SART3: variants seen among roughly 807,000 people sequenced by gnomAD.
SART3 encodes HIV-1 Tat-interacting protein of 110kDa.
Under a neutral mutation model 122.3 loss-of-function variants are expected in SART3, and 44 were observed. The ratio of observed to expected loss-of-function variants is 0.36; its 90% CI spans 0.28 to 0.46. The LOEUF (loss-of-function observed/expected upper bound fraction) is 0.46. Among genes scored for constraint, SART3 ranks in the 20% least tolerant of loss-of-function variants. The probability of loss-of-function intolerance (pLI) is 1.00; values close to 1 mark genes in which losing one functional copy is unlikely to be tolerated. For missense variants in SART3, 1,101 were observed against 1,229.0 expected (o/e 0.90, Z 1.56); for synonymous variants, 442 against 454.0 (o/e 0.97, Z 0.34).
chr12:108,548,029 G>A (rs1223646776), intron 2 of SART3, 38 bp from the exon 3 acceptor site: 1 of 1,552,892 alleles, frequency 6.4e-7, no homozygotes, highest in East Asian at 2.2e-5. Context: ...AATACCAAAG[G>A]GTAGGCTAAG....
intron 14 of SART3, 114 bp downstream of exon 14, chr12:108,531,090 A>G (rs1250001736): frequency 2.6e-6 from 2 of 760,846 alleles, no homozygotes; most frequent in South Asian, 1.5e-5. Context: ...TTTATAATTA[A>G]TACTGAGTAA....
intron 1 of SART3, among the ~76,000 whole-genome samples, chr12:108,556,640 C>T (rs1186327448): frequency 6.6e-6 from 1 of 152,194 alleles, no homozygotes; most frequent in African/African-American, 2.4e-5. Context: ...GTTCTGTTTC[C>T]TCATCTGTAC....
intron 4 of SART3, chr12:108,544,685 A>G: frequency 1.4e-6 from 1 of 693,676 alleles, no homozygotes; most frequent in Non-Finnish European, 2.5e-6. Context: ...CCCACCTCAG[A>G]GTCCTGAGTA....
At chr12:108,532,800 T>G (rs1227767830) in intron 12 of SART3, among the ~76,000 whole-genome samples, 1 of 151,452 alleles carries the variant, frequency 6.6e-6, no homozygotes, top group East Asian at 1.9e-4. Context: ...GTCACCCAGG[T>G]GGGAGTGCAA....
At chr12:108,552,775 T>A (rs1003462071) in intron 1 of SART3, among the ~76,000 whole-genome samples, 6 of 152,184 alleles carry the variant, frequency 3.9e-5, no homozygotes, top group African/African-American at 1.4e-4. Context: ...CTAAACTGAC[T>A]TACAGGCTTA....
chr12:108,540,632 C>T (rs1358176063), intron 6 of SART3, among the ~76,000 whole-genome samples: 1 of 100,068 alleles, frequency 1.0e-5, no homozygotes, highest in Non-Finnish European at 2.0e-5. Flanking sequence ...CCGATGGAAG[C>T]ATTGAAGGCA....
rs1389080965 is a variant in SART3 at position 108,560,782 on chromosome 12, G to A, written c.312+61C>T. 5.4e-6 allele frequency: 8 copies of A among 1,478,918 alleles called. 1 individual carries two copies. In the East Asian group the frequency reaches 9.2e-5, roughly 17 times the overall value. 91.6% of individuals were successfully genotyped at this position (1,478,918 alleles called of 1,614,324 possible). ...GCCGAGGACTAGGGAGGCGGGCCAG[G>A]ACATGGGGACCCGAGGACCTGAAAG... is the stretch of plus-strand genomic sequence containing the variant. On this transcript the variant is annotated intron_variant, in intron 1 of 18. Transcript: ENST00000546815.
chr12:108,537,770 C>A, intron 8 of SART3, 175 bp from the exon 9 acceptor site: 1 of 678,312 alleles, frequency 1.5e-6, no homozygotes, highest in South Asian at 1.8e-5. Flanking sequence ...ACTCTACAGA[C>A]TGTGTTCTAG....
Position 108,523,415 on chromosome 12 carries a change from G to C in SART3, c.*42C>G. On this transcript the variant is annotated 3_prime_UTR_variant, in exon 19 of 19. Coordinates refer to ENST00000546815, the MANE Select transcript of SART3 (RefSeq NM_014706.4). ...TGCTGGGTGGTGGGAGGTCCGCCGG[G>C]CCAGAGTGAAGTAAGGCATTTCCTG... 6.2e-7 allele frequency: 1 copy of C among 1,606,574 alleles called. No homozygotes were observed. Among genetic ancestry groups the C allele is most frequent in the Non-Finnish European group, 8.5e-7 (1 of 1,174,950 alleles).
chr12:108,543,031 T>C lies in SART3; in HGVS notation c.903A>G (p.Ala301=), dbSNP rs1343667497. Residue 301 remains alanine (A), a synonymous_variant, in exon 6 of 19, where the codon GCA becomes GCG. Transcript: ENST00000546815. ...QLEKYKPYEE[A]LLQAEAPRLA... is the part of the protein sequence containing the mutation. ...TATAAAAGAAGCCAACACTTACCAG[T>C]GCTTCTTCATAGGGTTTATATTTCT... 1.9e-6 allele frequency: 3 copies of C among 1,614,134 alleles called. No individual in the cohort carries two copies. The East Asian group carries it at 6.7e-5, about 36-fold the overall frequency.
chr12:108,529,075 A>G (rs761979382), intron 15 of SART3, among the ~76,000 whole-genome samples: 1 of 152,164 alleles, frequency 6.6e-6, no homozygotes, highest in Non-Finnish European at 1.5e-5. Context: ...GTGAGCCAAG[A>G]TCACCCCACT....
At chr12:108,558,704 ATGAG>A (rs781475383) in intron 1 of SART3, among the ~76,000 whole-genome samples, 2 of 152,230 alleles carry the variant, frequency 1.3e-5, no homozygotes, top group Non-Finnish European at 2.9e-5. Flanking sequence ...TGTTTGCTGA[ATGAG>A]TAAGACTAAA....
At chr12:108,531,580 A>C in intron 13 of SART3, 1 of 333,684 alleles carries the variant, frequency 3.0e-6, no homozygotes. Context: ...AAGACTGAAG[A>C]ATTTTAAGAG....
At chr12:108,530,856 T>A (rs1296026507) in intron 14 of SART3, among the ~76,000 whole-genome samples, 1 of 144,590 alleles carries the variant, frequency 6.9e-6, no homozygotes, top group Non-Finnish European at 1.5e-5. Context: ...AGACTCCGTC[T>A]CAAAAAAAAA....
intron 1 of SART3, among the ~76,000 whole-genome samples, chr12:108,556,793 T>C (rs2136697538): frequency 6.6e-6 from 1 of 152,346 alleles, no homozygotes; most frequent in South Asian, 2.1e-4. Flanking sequence ...GGATACACTT[T>C]CTTCATTAAA....
rs1329673478 is a variant in SART3 at position 108,536,762 on chromosome 12, A to G, written c.1333T>C (p.Leu445=). The G allele has an allele frequency of 6.2e-7, 1 of 1,613,716 alleles. No individual in the cohort carries two copies. Among genetic ancestry groups the G allele is most frequent in the Non-Finnish European group, 8.5e-7 (1 of 1,179,810 alleles). The change falls in exon 10 of 19, where the codon TTG becomes CTG. Residue 445 remains leucine (L), a synonymous_variant. Coordinates refer to ENST00000546815, the MANE Select transcript of SART3 (RefSeq NM_014706.4). The part of the protein sequence containing the change: ...KQDSSKELEE[L]RAAFTRALEY... ...AAGGCACGAGTAAAGGCGGCCCTCA[A>G]CTCCTCCAGCTCTTTACTGGAGTCT...
intron 1 of SART3, among the ~76,000 whole-genome samples, chr12:108,553,783 T>C (rs1301694979): frequency 6.6e-6 from 1 of 152,184 alleles, no homozygotes; most frequent in African/African-American, 2.4e-5. Flanking sequence ...ATATGAAGGA[T>C]TACGGGGTTT....
intron 12 of SART3, 82 bp from the exon 13 acceptor site, chr12:108,532,416 A>T (rs1200620970): frequency 1.8e-6 from 2 of 1,086,740 alleles, no homozygotes; most frequent in East Asian, 4.9e-5. Flanking sequence ...TCTCCCAGGT[A>T]GAAACTCACT....
Position 108,524,349 on chromosome 12 carries a change from C to G in SART3, c.2681G>C (p.Gly894Ala), listed in dbSNP as rs1872268795. 2 of 1,614,212 alleles carry G rather than the reference C, an allele frequency of 1.2e-6. No homozygotes were observed. The highest frequency in any genetic ancestry group is 1.7e-6 in the Non-Finnish European group (2 of 1,180,026). The part of the protein sequence containing the change: ...PEKPETRKAP[G>A]GPMLLPQTYG... The stretch of plus-strand genomic sequence containing the variant: ...TGTCTGCGGCAAAAGCATGGGGCCA[C>G]CTGGTGCCTTCCTGGTCTCCGGCTT... Residue 894 changes from glycine (G) to alanine (A), a missense_variant, in exon 18 of 19, where the codon GGT (glycine) becomes GCT (alanine). Coordinates refer to ENST00000546815, the MANE Select transcript of SART3 (RefSeq NM_014706.4).
Sources: allele counts gnomAD v4.1 joint callset (sites outside exome capture counted in the v4.1 genomes callset), GRCh38; gene constraint gnomAD v4.1.1; transcripts MANE v1.5; gene names NCBI Gene and HGNC (gene_info 2026-07-23, HGNC 2026-07-21).